The following FAM167A variants were observed in gnomAD, a reference collection of about 807,000 sequenced individuals.
FAM167A encodes the protein protein FAM167A.
FAM167A carries 23 observed loss-of-function variants against 14.9 expected under a neutral mutation model. The ratio of observed to expected loss-of-function variants is 1.55; its 90% CI spans 1.11 to 2.19. FAM167A has a LOEUF of 2.19. Among genes scored for constraint, FAM167A ranks in the 30% most tolerant of loss-of-function variants. FAM167A has a pLI of 0.00. For missense variants in FAM167A, 401 were observed against 281.5 expected, an observed-to-expected ratio of 1.42 and a Z score of -3.04; for synonymous variants, 174 against 117.7, an observed-to-expected ratio of 1.48 and a Z score of -3.10.
Position 11,444,773 on chromosome 8 carries a change from C to G in FAM167A, c.-362G>C. The G allele has an allele frequency of 9.8e-7, 1 of 1,016,012 alleles. No homozygotes were observed. The highest frequency in any genetic ancestry group is 1.2e-6 in the Non-Finnish European group (1 of 850,126). 62.9% of individuals were successfully genotyped at this position (1,016,012 alleles called of 1,614,324 possible). ...AGACTGGCAGGAAGAAGGCCCAGAGCTCTCTCTTCTCGGGAAGGGCAGGTG... is the reference window on the plus strand; with the variant it reads ...AGACTGGCAGGAAGAAGGCCCAGAGGTCTCTCTTCTCGGGAAGGGCAGGTG... On this transcript the variant is annotated 5_prime_UTR_variant, in exon 2 of 3. Transcript: ENST00000284486.
chr8:11,463,257 G>C (rs917278192), intron 1 of FAM167A, among the ~76,000 whole-genome samples: 1 of 152,242 alleles, frequency 6.6e-6, no homozygotes, highest in Admixed American at 6.5e-5. Context: ...AAGTGCCTTT[G>C]TGACTGGAGG....
chr8:11,439,323 G>C (rs151320818), intron 2 of FAM167A, among the ~76,000 whole-genome samples: 302 of 152,364 alleles, frequency 2.0e-3, no homozygotes, highest in Non-Finnish European at 3.6e-3. Context: ...GAAGACACTG[G>C]TGAGTATGAC....
upstream of FAM167A, among the ~76,000 whole-genome samples, chr8:11,471,341 C>T (rs556039842): frequency 9.9e-5 from 15 of 152,244 alleles, no homozygotes; most frequent in Non-Finnish European, 1.6e-4. Flanking sequence ...GAGGAAGGAG[C>T]GCATCACGGC....
chr8:11,449,494 TAAAC>T (rs1407739213), intron 1 of FAM167A, among the ~76,000 whole-genome samples: 1 of 152,148 alleles, frequency 6.6e-6, no homozygotes, highest in Non-Finnish European at 1.5e-5. Flanking sequence ...CCCAACACTC[TAAAC>T]AAACGGGCTT....
intron 2 of FAM167A, chr8:11,438,024 G>C: frequency 5.2e-6 from 2 of 381,026 alleles, no homozygotes; most frequent in South Asian, 3.8e-5. Context: ...TTATGTGCCT[G>C]TCTTCTCCTT....
rs1393479025 is a variant in FAM167A, at chr8:11,457,691, T to A, written c.-398+8935A>T. Among the ~76,000 whole-genome samples the A allele has an allele frequency of 9.2e-5, 14 of 152,262 alleles. No homozygotes were observed. The South Asian group carries it at 2.7e-3, about 29-fold the overall frequency. ...TGAATGAAGAGGACTTTCTGGGCAG[T>A]CCATCTGGCCCTTTGTCCTTGTCTT... On this transcript the variant is annotated intron_variant, in intron 1 of 2. Transcript: ENST00000284486.
chr8:11,443,341 T>G (rs1310049397), intron 2 of FAM167A, among the ~76,000 whole-genome samples: 1 of 152,206 alleles, frequency 6.6e-6, no homozygotes, highest in East Asian at 1.9e-4. Context: ...AGCAGGAAAG[T>G]GACCGCGCTG....
intron 1 of FAM167A, among the ~76,000 whole-genome samples, chr8:11,458,297 G>A (rs1228549690): frequency 2.0e-5 from 3 of 152,210 alleles, no homozygotes; most frequent in Non-Finnish European, 4.4e-5. Flanking sequence ...CTTCCGAATG[G>A]AGCTGATGGC....
chr8:11,422,027 T>C lies in FAM167A; in HGVS notation c.*2346A>G. On this transcript the variant is annotated 3_prime_UTR_variant, in exon 3 of 3. Coordinates refer to ENST00000284486, the MANE Select transcript of FAM167A (RefSeq NM_053279.3). ...CATCTTGGGTCACCTCCTCATCCCA[T>C]AATAAAGTTCTCTTAGGATAAACCG... 2 of 392,918 alleles carry C rather than the reference T, an allele frequency of 5.1e-6. No individual in the cohort carries two copies. The highest frequency in any genetic ancestry group is 3.6e-5 in the East Asian group (1 of 27,686). The allele number at this position is 392,918 out of a possible 1,614,324, so 24.3% of individuals were successfully genotyped here.
chr8:11,469,921 T>TTAAA (rs1554533166), upstream of FAM167A, among the ~76,000 whole-genome samples: 1 of 144,908 alleles, frequency 6.9e-6, no homozygotes, highest in Admixed American at 7.1e-5. Flanking sequence ...AATAAATAAA[T>TTAAA]AAAAGATTTA....
intron 2 of FAM167A, among the ~76,000 whole-genome samples, chr8:11,441,679 A>C (rs1806447927): frequency 6.6e-6 from 1 of 152,088 alleles, no homozygotes; most frequent in African/African-American, 2.4e-5. Context: ...TCATCATGTC[A>C]TCCTAAGCAG....
In FAM167A at chr8:11,463,427, C is replaced by A. The variant is rs538313414; in HGVS notation, c.-398+3199G>T. ...CATCCAGAACCTTCCTGGGTGGCCACCACCCTAAGCATGAGCCTGCTGACC... is the reference window on the plus strand; with the variant it reads ...CATCCAGAACCTTCCTGGGTGGCCAACACCCTAAGCATGAGCCTGCTGACC... On this transcript the variant is annotated intron_variant, in intron 1 of 2. Transcript: ENST00000284486. Among the ~76,000 whole-genome samples, 8 of 152,330 alleles carry A rather than the reference C, an allele frequency of 5.3e-5. No individual in the cohort carries two copies. In the South Asian group the frequency reaches 1.7e-3, roughly 32 times the overall value.
intron 1 of FAM167A, among the ~76,000 whole-genome samples, chr8:11,446,073 G>T (rs1806767799): frequency 6.6e-6 from 1 of 151,764 alleles, no homozygotes; most frequent in African/African-American, 2.4e-5. Flanking sequence ...TACTTGTTTG[G>T]AGTGAGGGGA....
chr8:11,472,443 T>G (rs1339994037), upstream of FAM167A, among the ~76,000 whole-genome samples: 4 of 139,522 alleles, frequency 2.9e-5, no homozygotes, highest in Non-Finnish European at 4.5e-5. Context: ...TTGGGTTTTT[T>G]TTTTTTTTTT....
chr8:11,436,107 G>T (rs746966415), intron 2 of FAM167A, among the ~76,000 whole-genome samples: 1 of 152,236 alleles, frequency 6.6e-6, no homozygotes, highest in Non-Finnish European at 1.5e-5. Context: ...CAACTGTACT[G>T]CCTGTCACAC....
At chr8:11,429,054 C>CA (rs764207724) in intron 2 of FAM167A, among the ~76,000 whole-genome samples, 16 of 151,998 alleles carry the variant, frequency 1.1e-4, no homozygotes, top group Non-Finnish European at 1.9e-4. Flanking sequence ...GTCGCGCAAC[C>CA]ACCATCCATC....
At chr8:11,434,823 C>A (rs753468362) in intron 2 of FAM167A, 46 of 348,520 alleles carry the variant, frequency 1.3e-4, no homozygotes, top group Non-Finnish European at 2.1e-4. Flanking sequence ...TCCTCCCCTC[C>A]CATCAGATTG....
chr8:11,441,038 C>G (rs372985260), intron 2 of FAM167A, among the ~76,000 whole-genome samples: 1 of 152,212 alleles, frequency 6.6e-6, no homozygotes, highest in Non-Finnish European at 1.5e-5. Context: ...ATCCCAGCAG[C>G]AGGCGGAACT....
Position 11,453,811 on chromosome 8 carries a change from C to T in FAM167A, c.-397-9003G>A, listed in dbSNP as rs142327033. ...CCACCTTCACTGAGTTTATGGAGCA[C>T]GTCTACACCGCAGCACATAAACACT... is the stretch of plus-strand genomic sequence containing the variant. On this transcript the variant is annotated intron_variant, in intron 1 of 2. Transcript: ENST00000284486. 8.6e-5 allele frequency among the ~76,000 whole-genome samples: 13 copies of T among 151,930 alleles called. 1 individual carries two copies. In the East Asian group the frequency reaches 1.9e-3, roughly 23 times the overall value.
Sources: allele counts gnomAD v4.1 joint callset (sites outside exome capture counted in the v4.1 genomes callset), GRCh38; gene constraint gnomAD v4.1.1; transcripts MANE v1.5; gene names NCBI Gene and HGNC (gene_info 2026-07-23, HGNC 2026-07-21).